Variants in RAB11FIP3 observed in about 807,000 individuals in gnomAD.
RAB11FIP3 encodes the protein rab11 family-interacting protein 3.
In RAB11FIP3, 17 loss-of-function variants were observed where a neutral mutation model predicts 77.8. The observed-to-expected ratio is 0.22, with a 90% CI of 0.15 to 0.33. The LOEUF is 0.33. Ranked by LOEUF, RAB11FIP3 falls within the 10% of genes least tolerant of loss-of-function variation. RAB11FIP3 has a pLI of 1.00. For synonymous variants in RAB11FIP3, 437 were observed against 448.2 expected, an observed-to-expected ratio of 0.98 and a Z score of 0.31; for missense variants, 1,005 against 1,011.2, an observed-to-expected ratio of 0.99 and a Z score of 0.08.
intron 9 of RAB11FIP3, among the ~76,000 whole-genome samples, chr16:516,236 G>A (rs2032411506): frequency 6.6e-6 from 1 of 152,194 alleles, no homozygotes; most frequent in Admixed American, 6.5e-5. Context: ...CCAAATTCTG[G>A]GTGTTGGTGC....
chr16:502,575 G>A (rs566150442), intron 6 of RAB11FIP3, among the ~76,000 whole-genome samples: 1 of 152,332 alleles, frequency 6.6e-6, no homozygotes. Flanking sequence ...GATCAAGAAT[G>A]TGCACAGGGG....
At chr16:477,947 G>A (rs2055952213) in intron 3 of RAB11FIP3, among the ~76,000 whole-genome samples, 1 of 152,118 alleles carries the variant, frequency 6.6e-6, no homozygotes, top group Non-Finnish European at 1.5e-5. Flanking sequence ...TCCATGAGGT[G>A]GCCACCTTGT....
chr16:465,452 T>C (rs2055685885), intron 2 of RAB11FIP3, among the ~76,000 whole-genome samples: 2 of 152,276 alleles, frequency 1.3e-5, no homozygotes, highest in South Asian at 2.1e-4. Flanking sequence ...TAACTGAAGA[T>C]GGCGATGTAA....
chr16:450,970 C>A (rs2055398649), intron 1 of RAB11FIP3, among the ~76,000 whole-genome samples: 1 of 151,960 alleles, frequency 6.6e-6, no homozygotes, highest in South Asian at 2.1e-4. Flanking sequence ...AGCGCTCTGC[C>A]TGCCATCGTT....
intron 1 of RAB11FIP3, among the ~76,000 whole-genome samples, chr16:444,441 A>G (rs1315719981): frequency 1.3e-5 from 2 of 152,194 alleles, no homozygotes; most frequent in Non-Finnish European, 2.9e-5. Flanking sequence ...TAATTAAAAA[A>G]GAAATTATGA....
At chr16:434,665 A>C (rs1175062148) in intron 1 of RAB11FIP3, among the ~76,000 whole-genome samples, 2 of 147,518 alleles carry the variant, frequency 1.4e-5, no homozygotes, top group Non-Finnish European at 3.0e-5. Context: ...TGATCTTCCC[A>C]CCTTGGCCTC....
intron 1 of RAB11FIP3, among the ~76,000 whole-genome samples, chr16:450,806 C>G (rs939388515): frequency 6.6e-6 from 1 of 151,800 alleles, no homozygotes; most frequent in African/African-American, 2.4e-5. Context: ...TTCATTAGCC[C>G]CAGGGAGAGA....
intron 1 of RAB11FIP3, among the ~76,000 whole-genome samples, chr16:437,209 C>T (rs924878086): frequency 3.3e-5 from 5 of 151,892 alleles, no homozygotes; most frequent in South Asian, 2.1e-4. Flanking sequence ...ACCTGGGAGG[C>T]GGGGGTTGCA....
chr16:439,850 C>CTTTTTTTTT lies in RAB11FIP3; in HGVS notation c.714+13134_714+13142dup, dbSNP rs879539160. On this transcript the variant is annotated intron_variant, in intron 1 of 13. Transcript: ENST00000262305. Reference sequence around the variant, plus strand: ...TAGGTGAGAGACAAACAGTTGCATTCTTTTTTTTTTTTGAGACGGGGTCTC... The same window carrying CTTTTTTTTT: ...TAGGTGAGAGACAAACAGTTGCATTCTTTTTTTTTTTTTTTTTTTTTGAGACGGGGTCTC... 5.2e-3 allele frequency among the ~76,000 whole-genome samples: 757 copies of CTTTTTTTTT among 146,308 alleles called. 6 individuals carry two copies. Among genetic ancestry groups the CTTTTTTTTT allele is most frequent in the African/African-American group, 0.018 (717 of 40,092 alleles).
At chr16:491,296 T>C (rs1567390547) in intron 5 of RAB11FIP3, 1 of 1,298,812 alleles carries the variant, frequency 7.7e-7, no homozygotes, top group Non-Finnish European at 1.0e-6. Context: ...GGCCTTGCTG[T>C]CTGTTCCCAG....
intron 1 of RAB11FIP3, among the ~76,000 whole-genome samples, chr16:438,929 C>T (rs1448196651): frequency 6.6e-6 from 1 of 152,144 alleles, no homozygotes; most frequent in Non-Finnish European, 1.5e-5. Context: ...ACCTTGTGAT[C>T]CGCCCGCCTT....
At chr16:490,223 C>T (rs559716779) in intron 5 of RAB11FIP3, among the ~76,000 whole-genome samples, 38 of 152,372 alleles carry the variant, frequency 2.5e-4, no homozygotes, top group African/African-American at 8.9e-4. Context: ...GTCCCAGCGC[C>T]CGCGATGAGG....
intron 5 of RAB11FIP3, among the ~76,000 whole-genome samples, chr16:495,111 G>A (rs996618779): frequency 6.6e-6 from 1 of 152,186 alleles, no homozygotes; most frequent in African/African-American, 2.4e-5. Flanking sequence ...TTGCCTCTAA[G>A]AAAAGATAAT....
chr16:505,340 C>T lies in RAB11FIP3; in HGVS notation c.1396-184C>T, dbSNP rs529204354. 4.6e-5 allele frequency among the ~76,000 whole-genome samples: 7 copies of T among 152,310 alleles called. No homozygotes were observed. The highest frequency in any genetic ancestry group is 4.1e-4 in the South Asian group (2 of 4,822). ...CGAATGACAGTGCTCCCCAAGACCCCGGCCCCATTAGGAGCTGCACCTTTG... is the reference window on the plus strand; with the variant it reads ...CGAATGACAGTGCTCCCCAAGACCCTGGCCCCATTAGGAGCTGCACCTTTG... On this transcript the variant is annotated intron_variant, in intron 7 of 13. Coordinates refer to ENST00000262305, the MANE Select transcript of RAB11FIP3 (RefSeq NM_014700.4). This position sits in a 1 kb window ranked among gnomAD's most constrained non-coding sequence, Gnocchi z 4.0.
At chr16:445,729 T>G (rs2141870888) in intron 1 of RAB11FIP3, among the ~76,000 whole-genome samples, 1 of 151,816 alleles carries the variant, frequency 6.6e-6, no homozygotes, top group East Asian at 1.9e-4. Context: ...AGCCACAGAT[T>G]AGAACCTTCC....
At chr16:491,880 C>T (rs1360530193) in intron 5 of RAB11FIP3, among the ~76,000 whole-genome samples, 1 of 152,350 alleles carries the variant, frequency 6.6e-6, no homozygotes, top group African/African-American at 2.4e-5. Flanking sequence ...AAACGGGCCA[C>T]TTTGGAGCTT....
intron 2 of RAB11FIP3, among the ~76,000 whole-genome samples, chr16:466,032 A>G (rs899481388): frequency 3.9e-5 from 6 of 152,272 alleles, no homozygotes; most frequent in African/African-American, 1.4e-4. Flanking sequence ...TAAATGTTAC[A>G]ACCCATTTCC....
chr16:519,983 T>C, intron 11 of RAB11FIP3, 92 bp downstream of exon 11: 1 of 1,518,302 alleles, frequency 6.6e-7, no homozygotes, highest in Non-Finnish European at 8.9e-7. Context: ...TTGGCTGTGC[T>C]GCTTTGGGCA....
chr16:460,696 G>C (rs563909257), intron 1 of RAB11FIP3, among the ~76,000 whole-genome samples: 71 of 152,256 alleles, frequency 4.7e-4, no homozygotes, highest in African/African-American at 1.6e-3. Flanking sequence ...GCTTATCTAT[G>C]TTATCTATGT....
Sources: gnomAD v4.1 joint callset for allele counts (sites outside exome capture counted in the v4.1 genomes callset) on GRCh38, gnomAD v4.1.1 for gene constraint, Gnocchi (gnomAD v3.1) non-coding constraint, MANE v1.5 for transcripts, NCBI Gene and HGNC (gene_info 2026-07-23, HGNC 2026-07-21) for gene names.